The following ADCY2 variants were observed in gnomAD, a reference collection of about 807,000 sequenced individuals.
The protein encoded by ADCY2 is adenylate cyclase type 2.
A neutral mutation model predicts 125.2 loss-of-function variants in ADCY2; 31 were observed. The observed-to-expected ratio is 0.25, with a 90% confidence interval of 0.19 to 0.33. The LOEUF is 0.33. Ranked by LOEUF, ADCY2 falls within the 10% of genes least tolerant of loss-of-function variation. The probability of loss-of-function intolerance (pLI) is 1.00; values close to 1 mark genes in which losing one functional copy is unlikely to be tolerated. For synonymous variants in ADCY2, 512 were observed against 548.4 expected, an observed-to-expected ratio of 0.93 and a Z score of 0.93; for missense variants, 904 against 1,418.2, an observed-to-expected ratio of 0.64 and a Z score of 5.82.
Position 7,757,487 on chromosome 5 carries a change from T to G in ADCY2, c.1995T>G (p.Leu665=). Residue 665 remains leucine (L), a synonymous_variant, in exon 16 of 25, where the codon CTT becomes CTG. Coordinates refer to ENST00000338316, the MANE Select transcript of ADCY2 (RefSeq NM_020546.3). ...SKKASPLLMW[L]LKSSGIIANR... ...AAGCCTCTCCCCTGCTCATGTGGCT[T>G]TTGAAGTCCTCGGGCATCATTGCCA... is the stretch of plus-strand genomic sequence containing the variant. The G allele has an allele frequency of 6.2e-7, 1 of 1,614,108 alleles. No individual in the cohort carries two copies. The highest frequency in any genetic ancestry group is 8.5e-7 in the Non-Finnish European group (1 of 1,180,008).
At chr5:7,618,407 A>G (rs576307926) in intron 3 of ADCY2, among the ~76,000 whole-genome samples, 4 of 152,256 alleles carry the variant, frequency 2.6e-5, no homozygotes, top group South Asian at 4.1e-4. Flanking sequence ...TAGCAATGCA[A>G]CCTTCTCCTT....
chr5:7,816,775 T>A, intron 22 of ADCY2, 91 bp from the exon 23 acceptor site: 1 of 1,002,474 alleles, frequency 1.0e-6, no homozygotes, highest in East Asian at 2.4e-5. Context: ...CCTGCATTCC[T>A]TTCTGCCTAA....
At chr5:7,465,971 T>C (rs1474173651) in intron 2 of ADCY2, among the ~76,000 whole-genome samples, 1 of 152,200 alleles carries the variant, frequency 6.6e-6, no homozygotes, top group Non-Finnish European at 1.5e-5. Flanking sequence ...GAGAAAATCT[T>C]GGAAAATAAA....
At chr5:7,724,751 G>T (rs375391565) in intron 13 of ADCY2, 137 bp downstream of exon 13, 25 of 662,546 alleles carry the variant, frequency 3.8e-5, no homozygotes, top group East Asian at 1.7e-4. Flanking sequence ...GGCTTTTCTG[G>T]TGGTTCTTTC....
chr5:7,732,510 G>T (rs1381437929), intron 14 of ADCY2, among the ~76,000 whole-genome samples: 1 of 152,162 alleles, frequency 6.6e-6, no homozygotes, highest in Non-Finnish European at 1.5e-5. Context: ...AGTCTGATTT[G>T]AATACCTTCT....
intron 2 of ADCY2, among the ~76,000 whole-genome samples, chr5:7,509,357 C>T (rs1338508883): frequency 6.6e-6 from 1 of 152,180 alleles, no homozygotes; most frequent in African/African-American, 2.4e-5. Flanking sequence ...TCCACAGCCA[C>T]CGTCCTTTCG....
chr5:7,421,312 C>T (rs1418028812), intron 2 of ADCY2, among the ~76,000 whole-genome samples: 1 of 152,200 alleles, frequency 6.6e-6, no homozygotes, highest in Non-Finnish European at 1.5e-5. Context: ...AGTCTGAAAT[C>T]ACAGTGTCAG....
At chr5:7,682,169 A>G (rs1462942422) in intron 4 of ADCY2, among the ~76,000 whole-genome samples, 1 of 152,238 alleles carries the variant, frequency 6.6e-6, no homozygotes, top group East Asian at 1.9e-4. Context: ...GAACTGATAT[A>G]TGGGAAGTGG....
chr5:7,524,990 C>A (rs561050056), intron 3 of ADCY2, among the ~76,000 whole-genome samples: 56 of 151,578 alleles, frequency 3.7e-4, no homozygotes, highest in Non-Finnish European at 7.5e-4. Flanking sequence ...ATTAGCATCA[C>A]TATTTTATTT....
At chr5:7,672,064 G>C (rs1391394590) in intron 4 of ADCY2, among the ~76,000 whole-genome samples, 1 of 152,150 alleles carries the variant, frequency 6.6e-6, no homozygotes, top group Non-Finnish European at 1.5e-5. Flanking sequence ...ACGTGGCCAG[G>C]TCCCTGCATA....
intron 3 of ADCY2, among the ~76,000 whole-genome samples, chr5:7,620,731 G>T (rs373613656): frequency 3.9e-5 from 6 of 152,184 alleles, no homozygotes; most frequent in African/African-American, 1.4e-4. Context: ...TGAGCTTACT[G>T]AATATTCATT....
chr5:7,766,956 GC>G, intron 17 of ADCY2, 150 bp downstream of exon 17: 1 of 1,069,022 alleles, frequency 9.4e-7, no homozygotes, highest in South Asian at 2.3e-5. Flanking sequence ...ACAAATGTCA[GC>G]CTCTGCTAGA....
At chr5:7,753,821 T>A (rs1742903292) in intron 15 of ADCY2, among the ~76,000 whole-genome samples, 1 of 152,212 alleles carries the variant, frequency 6.6e-6, no homozygotes, top group Non-Finnish European at 1.5e-5. Context: ...AACTGTCACC[T>A]CTCTGTTCTC....
Position 7,565,155 on chromosome 5 carries a change from A to G in ADCY2, c.570+44256A>G, listed in dbSNP as rs151118466. 3.5e-4 allele frequency among the ~76,000 whole-genome samples: 53 copies of G among 152,350 alleles called. No individual in the cohort carries two copies. In the East Asian group the frequency reaches 7.9e-3, roughly 23 times the overall value. On this transcript the variant is annotated intron_variant, in intron 3 of 24. Transcript: ENST00000338316. ...GGTGGCCCAGCTCACATGCTGGACTAGAAGGAAAAGTTTCTCCTTTCTCCT... is the reference window on the plus strand; with the variant it reads ...GGTGGCCCAGCTCACATGCTGGACTGGAAGGAAAAGTTTCTCCTTTCTCCT...
chr5:7,536,465 C>T (rs527251776), intron 3 of ADCY2, among the ~76,000 whole-genome samples: 10 of 152,286 alleles, frequency 6.6e-5, no homozygotes, highest in East Asian at 3.9e-4. Context: ...GCCCCAGAGT[C>T]GGTTCAGGAA....
At chr5:7,517,465 T>A (rs892243410) in intron 2 of ADCY2, among the ~76,000 whole-genome samples, 4 of 152,186 alleles carry the variant, frequency 2.6e-5, no homozygotes, top group African/African-American at 9.7e-5. Flanking sequence ...TTAAAAAAAA[T>A]GAGAACTCTT....
At chr5:7,626,394 C>A in intron 4 of ADCY2, 78 bp downstream of exon 4, 1 of 1,487,446 alleles carries the variant, frequency 6.7e-7, no homozygotes, top group Non-Finnish European at 9.1e-7. Flanking sequence ...TGTTGAGTGT[C>A]GTTCATTCAT....
intron 3 of ADCY2, among the ~76,000 whole-genome samples, chr5:7,583,178 A>G (rs1267400936): frequency 6.6e-6 from 1 of 152,074 alleles, no homozygotes; most frequent in East Asian, 1.9e-4. Flanking sequence ...TACACATTTA[A>G]GATGTATTTA....
At chr5:7,785,533 C>T (rs1744056386) in intron 19 of ADCY2, among the ~76,000 whole-genome samples, 1 of 149,840 alleles carries the variant, frequency 6.7e-6, no homozygotes, top group African/African-American at 2.5e-5. Context: ...GCAGTTTTGA[C>T]AACCTGCACC....
Sources: allele counts gnomAD v4.1 joint callset (sites outside exome capture counted in the v4.1 genomes callset), GRCh38; gene constraint gnomAD v4.1.1; transcripts MANE v1.5; gene names NCBI Gene and HGNC (gene_info 2026-07-23, HGNC 2026-07-21).